TECPR1: variants seen among roughly 807,000 people sequenced by gnomAD.
TECPR1 encodes the protein tectonin beta-propeller repeat-containing protein 1.
TECPR1 carries 122 observed loss-of-function variants against 162.4 expected under a neutral mutation model. The observed-to-expected ratio is 0.75, with a 90% CI of 0.65 to 0.87. TECPR1 has a LOEUF of 0.87. TECPR1 is among the 40% of genes least tolerant of loss of function. The pLI is 0.00. For missense variants in TECPR1, 1,432 were observed against 1,618.2 expected (o/e 0.88, Z 1.97); for synonymous variants, 642 against 670.6 (o/e 0.96, Z 0.66).
chr7:98,226,870 C>CT (rs1229627998), intron 17 of TECPR1: 1 of 218,018 alleles, frequency 4.6e-6, no homozygotes, highest in African/African-American at 2.3e-5. Context: ...AAGGCAAAGG[C>CT]TGCAGTGAGC....
At chr7:98,224,983 C>A in intron 18 of TECPR1, 23 bp downstream of exon 18, 1 of 1,543,234 alleles carries the variant, frequency 6.5e-7, no homozygotes, top group East Asian at 2.4e-5. Context: ...TTCCCAACCC[C>A]CCAGGGGGCA....
In TECPR1 at chr7:98,218,145, G is replaced by T. The variant is rs1434573737; in HGVS notation, c.3158-103C>A. ...CCAGGCCCCGCTCTAACCACTTCGG[G>T]GTTTGGGAAGCTGCTGGGGAGGCAG... is the stretch of plus-strand genomic sequence containing the variant. On this transcript the variant is annotated intron_variant, in intron 23 of 25. Transcript: ENST00000447648. 5.4e-6 allele frequency: 5 copies of T among 928,430 alleles called. No individual in the cohort carries two copies. In the African/African-American group the frequency reaches 6.6e-5, roughly 12 times the overall value. The allele number at this position is 928,430 out of a possible 1,614,324, so 57.5% of individuals were successfully genotyped here. A position where few individuals can be genotyped will look rare whatever the true frequency, so the allele number is the denominator to read the frequency against.
At chr7:98,235,430 T>G (rs890108787) in intron 10 of TECPR1, among the ~76,000 whole-genome samples, 2 of 145,862 alleles carry the variant, frequency 1.4e-5, no homozygotes, top group Non-Finnish European at 3.0e-5. Context: ...GAGGCTGAGG[T>G]AGGAGAATGG....
intron 21 of TECPR1, 71 bp downstream of exon 21, chr7:98,222,919 G>C: frequency 6.4e-7 from 1 of 1,569,608 alleles, no homozygotes. Context: ...TCCTGAGCAG[G>C]GTCTGAGCCC....
intron 16 of TECPR1, chr7:98,228,429 G>A (rs1798334126): frequency 2.8e-6 from 1 of 359,824 alleles, no homozygotes. Flanking sequence ...AGGGAGGCAT[G>A]AGGCCCACCC....
At chr7:98,245,411 G>A (rs1449655073) in intron 3 of TECPR1, among the ~76,000 whole-genome samples, 1 of 152,212 alleles carries the variant, frequency 6.6e-6, no homozygotes, top group African/African-American at 2.4e-5. Flanking sequence ...CTGCTTTGGT[G>A]AGGACACAAT....
rs1473404647 is a variant in TECPR1, at chr7:98,216,012, G to C, written c.*1378C>G. On this transcript the variant is annotated 3_prime_UTR_variant, in exon 26 of 26. Coordinates refer to ENST00000447648, the MANE Select transcript of TECPR1 (RefSeq NM_015395.3). The stretch of plus-strand genomic sequence containing the variant: ...ACCAGGACCCTAGGAAGGTCAGGTG[G>C]TGGTGAAGTCATCCCCTCTCCAACC... 1 of 152,334 alleles carries C rather than the reference G, an allele frequency of 6.6e-6. No individual in the cohort carries two copies. Among genetic ancestry groups the C allele is most frequent in the Non-Finnish European group, 1.5e-5 (1 of 68,114 alleles). The allele number at this position is 152,334 out of a possible 1,614,324, so 9.4% of individuals were successfully genotyped here.
intron 11 of TECPR1, 124 bp from the exon 12 acceptor site, chr7:98,233,096 C>T (rs1798492986): frequency 8.4e-7 from 1 of 1,196,786 alleles, no homozygotes; most frequent in African/African-American, 1.5e-5. Context: ...TCTGTTAAGC[C>T]TCCTTCCACC....
intron 14 of TECPR1, 37 bp from the exon 15 acceptor site, chr7:98,231,155 C>T (rs1315744252): frequency 1.2e-6 from 2 of 1,604,998 alleles, no homozygotes; most frequent in Admixed American, 3.4e-5. Flanking sequence ...CTGAGCAGGC[C>T]AGGCCAGGCC....
At chr7:98,243,339 G>A in intron 6 of TECPR1, 128 bp downstream of exon 6, 3 of 1,307,696 alleles carry the variant, frequency 2.3e-6, no homozygotes, top group Non-Finnish European at 2.1e-6. Flanking sequence ...GGAGAGAAAG[G>A]CCAGGAGCAG....
intron 13 of TECPR1, chr7:98,231,585 C>A: frequency 2.0e-6 from 1 of 497,234 alleles, no homozygotes; most frequent in Non-Finnish European, 3.3e-6. Flanking sequence ...ACCCCCATTT[C>A]TGTACTCCCT....
At chr7:98,235,872 C>A (rs982237275) in intron 10 of TECPR1, among the ~76,000 whole-genome samples, 16 of 134,686 alleles carry the variant, frequency 1.2e-4, no homozygotes, top group Admixed American at 1.6e-4. Context: ...GCAGACTAAA[C>A]CCTCAGGTGA....
intron 17 of TECPR1, chr7:98,226,409 T>C: frequency 1.0e-6 from 1 of 982,876 alleles, no homozygotes; most frequent in Non-Finnish European, 1.2e-6. Context: ...CGTCCAAGGC[T>C]GAGTAAAGTC....
At chr7:98,218,094 T>C in intron 23 of TECPR1, 52 bp from the exon 24 acceptor site, 3 of 1,456,048 alleles carry the variant, frequency 2.1e-6, no homozygotes, top group Non-Finnish European at 2.8e-6. Context: ...CGGCCCCTCC[T>C]GCCCGTGCGG....
At chr7:98,231,188 C>CCT (rs1184150909) in intron 14 of TECPR1, 36 bp downstream of exon 14, 1 of 1,609,056 alleles carries the variant, frequency 6.2e-7, no homozygotes, top group South Asian at 1.1e-5. Flanking sequence ...CATGGCTATC[C>CCT]CTCCCCCCGG....
intron 5 of TECPR1, among the ~76,000 whole-genome samples, chr7:98,243,892 G>A (rs923140215): frequency 6.6e-6 from 1 of 152,156 alleles, no homozygotes. Flanking sequence ...ATCACACCCA[G>A]CCTCTACAAA....
intron 2 of TECPR1, among the ~76,000 whole-genome samples, chr7:98,246,463 C>T (rs4729419): frequency 0.27 from 40,455 of 151,794 alleles, 5,649 homozygotes; most frequent in East Asian, 0.46. Context: ...GACGGGGTTT[C>T]GCCACATTGG....
At position 98,224,847 on chromosome 7, in the gene TECPR1, C is replaced by G; in HGVS notation, c.2644G>C (p.Gly882Arg). The G allele has an allele frequency of 6.3e-7, 1 of 1,576,042 alleles. No individual in the cohort carries two copies. Among genetic ancestry groups the G allele is most frequent in the Non-Finnish European group, 8.6e-7 (1 of 1,161,416 alleles). Residue 882 changes from glycine to arginine, a missense_variant, in exon 19 of 26, where the codon GGG (glycine) becomes CGG (arginine). Gly to Arg is a moderately radical substitution (Grantham distance 125). Coordinates refer to ENST00000447648, the MANE Select transcript of TECPR1 (RefSeq NM_015395.3). ...SDWFVDFSVP[G>R]GTDQEGWQYA... ...TGCCACCCCTCCTGGTCCGTGCCCC[C>G]CGGAACGCTGAAATCCACGAACCAG...
At position 98,233,752 on chromosome 7, in the gene TECPR1, G is replaced by C. The variant is rs777678139; in HGVS notation, c.1341C>G (p.Gly447=). Residue 447 remains glycine, a synonymous_variant, in exon 11 of 26, where the codon GGC becomes GGG. Transcript: ENST00000447648. ...CTTCTGCGGTCCTGCCAGCCCCCAG[G>C]CCTGAGGCTGAGTTCCCTGTGGCAT... ...SKNATGNSAS[G]LGAGRTAEDT... is the part of the protein sequence containing the mutation. 1.2e-6 allele frequency: 2 copies of C among 1,612,722 alleles called. No homozygotes were observed. Among genetic ancestry groups the C allele is most frequent in the Middle Eastern group, 1.6e-4 (1 of 6,062 alleles).
Sources: gnomAD v4.1 joint callset for allele counts (sites outside exome capture counted in the v4.1 genomes callset) on GRCh38, gnomAD v4.1.1 for gene constraint, MANE v1.5 for transcripts, NCBI Gene and HGNC (gene_info 2026-07-23, HGNC 2026-07-21) for gene names.